The following B4GALT5 variants were observed in gnomAD, a reference collection of about 807,000 sequenced individuals.
B4GALT5 encodes beta-1,4-galactosyltransferase 5.
In B4GALT5, 11 loss-of-function variants were observed where a neutral mutation model predicts 45.0. That is an observed-to-expected ratio of 0.24 (90% CI 0.15 to 0.40). The LOEUF is 0.40. B4GALT5 is among the 10% of genes least tolerant of loss of function. B4GALT5 has a pLI of 1.00. For missense variants in B4GALT5, 337 were observed against 500.2 expected (o/e 0.67, Z 3.11); for synonymous variants, 185 against 182.9 (o/e 1.01, Z -0.09).
intron 1 of B4GALT5, among the ~76,000 whole-genome samples, chr20:49,660,017 G>T (rs530479793): frequency 6.6e-6 from 1 of 152,058 alleles, no homozygotes; most frequent in South Asian, 2.1e-4. Flanking sequence ...TTGCCCACTG[G>T]TTCTCTCTCA....
chr20:49,692,525 C>T (rs962063324), intron 1 of B4GALT5, among the ~76,000 whole-genome samples: 5 of 152,138 alleles, frequency 3.3e-5, no homozygotes, highest in Admixed American at 2.6e-4. Flanking sequence ...TATCATCATC[C>T]AATGCCAACT....
intron 1 of B4GALT5, among the ~76,000 whole-genome samples, chr20:49,713,261 T>C (rs541969046): frequency 5.4e-4 from 77 of 143,866 alleles, no homozygotes; most frequent in Non-Finnish European, 9.8e-4. Context: ...AAGTGGGAGT[T>C]CCAGCGAGGC....
chr20:49,693,825 A>T (rs1168433323), intron 1 of B4GALT5, among the ~76,000 whole-genome samples: 1 of 152,224 alleles, frequency 6.6e-6, no homozygotes, highest in Non-Finnish European at 1.5e-5. Flanking sequence ...GCAGCTTTGC[A>T]TAAAGAACAA....
chr20:49,701,680 A>T (rs1568735043), intron 1 of B4GALT5, among the ~76,000 whole-genome samples: 1 of 152,204 alleles, frequency 6.6e-6, no homozygotes, highest in Non-Finnish European at 1.5e-5. Context: ...AACACCCACA[A>T]TACCAAACTG....
intron 1 of B4GALT5, among the ~76,000 whole-genome samples, chr20:49,659,166 C>T (rs1161712787): frequency 6.6e-6 from 1 of 152,218 alleles, no homozygotes; most frequent in African/African-American, 2.4e-5. Flanking sequence ...AAGGAGATAG[C>T]TCTCACATCT....
Position 49,636,236 on chromosome 20 carries a change from T to G in B4GALT5, c.*76A>C. 1 of 1,541,424 alleles carries G rather than the reference T, an allele frequency of 6.5e-7. No homozygotes were observed. Among genetic ancestry groups the G allele is most frequent in the Non-Finnish European group, 8.9e-7 (1 of 1,127,816 alleles). On this transcript the variant is annotated 3_prime_UTR_variant, in exon 9 of 9. Transcript: ENST00000371711. ...TTCTGTTCTCTTGCTGTGTAGACCC[T>G]CCCCCCTCCAAAAAAAAATCTCATC...
intron 1 of B4GALT5, among the ~76,000 whole-genome samples, chr20:49,700,084 C>A (rs1239612461): frequency 1.3e-5 from 2 of 152,150 alleles, no homozygotes; most frequent in East Asian, 1.9e-4. Context: ...ATCTACCACG[C>A]CTTCCTAAAA....
chr20:49,705,036 C>G (rs2085878527), intron 1 of B4GALT5, among the ~76,000 whole-genome samples: 1 of 152,052 alleles, frequency 6.6e-6, no homozygotes. Context: ...GGGCAGCACT[C>G]TAAATTATTT....
In B4GALT5 at chr20:49,685,581, T is replaced by C. The variant is rs371863778; in HGVS notation, c.115+27995A>G. On this transcript the variant is annotated intron_variant, in intron 1 of 8. Coordinates refer to ENST00000371711, the MANE Select transcript of B4GALT5 (RefSeq NM_004776.4). ...GATCCCAGTGCTCACCGGACAATCA[T>C]TTGTCCCATTTCCTCAATTATCTGT... Among the ~76,000 whole-genome samples, 4 of 152,178 alleles carry C rather than the reference T, an allele frequency of 2.6e-5. No homozygotes were observed. In the East Asian group the frequency reaches 7.7e-4, roughly 29 times the overall value.
intron 1 of B4GALT5, among the ~76,000 whole-genome samples, chr20:49,671,893 G>A (rs1054571679): frequency 3.3e-5 from 5 of 151,990 alleles, no homozygotes; most frequent in African/African-American, 4.8e-5. Context: ...GTATGGGGTC[G>A]GGGGAAGCAC....
At chr20:49,669,206 C>T (rs571347434) in intron 1 of B4GALT5, among the ~76,000 whole-genome samples, 2 of 152,132 alleles carry the variant, frequency 1.3e-5, no homozygotes, top group South Asian at 2.1e-4. Context: ...CTGGTATCAT[C>T]CCACCCCCAA....
In B4GALT5 at chr20:49,686,346, C is replaced by A. The variant is rs898899490; in HGVS notation, c.115+27230G>T. ...GTCAGTTTTAAAGAACTGCTGTACA[C>A]GCATTAGATCCAATGAAGACAGACT... On this transcript the variant is annotated intron_variant, in intron 1 of 8. Transcript: ENST00000371711. Among the ~76,000 whole-genome samples, 6 of 152,222 alleles carry A rather than the reference C, an allele frequency of 3.9e-5. No individual in the cohort carries two copies. In the East Asian group the frequency reaches 1.2e-3, roughly 29 times the overall value.
intron 1 of B4GALT5, among the ~76,000 whole-genome samples, chr20:49,664,001 C>T (rs922883819): frequency 9.2e-5 from 14 of 152,082 alleles, no homozygotes; most frequent in Admixed American, 2.0e-4. Context: ...AACACATATT[C>T]AATGCACCAC....
At chr20:49,690,287 T>C (rs980735936) in intron 1 of B4GALT5, among the ~76,000 whole-genome samples, 2 of 152,208 alleles carry the variant, frequency 1.3e-5, no homozygotes, top group East Asian at 1.9e-4. Context: ...ATTACAGGCA[T>C]GAGCCATCAT....
chr20:49,673,051 G>A (rs2085722506), intron 1 of B4GALT5, among the ~76,000 whole-genome samples: 1 of 151,996 alleles, frequency 6.6e-6, no homozygotes, highest in Non-Finnish European at 1.5e-5. Context: ...AATTTAAATC[G>A]AATCAAGCTC....
At chr20:49,643,955 G>A (rs2085588252) in intron 3 of B4GALT5, among the ~76,000 whole-genome samples, 2 of 107,922 alleles carry the variant, frequency 1.9e-5, no homozygotes, top group Admixed American at 2.8e-4. Flanking sequence ...TTTTGAGACA[G>A]TCTCGCTCTG....
chr20:49,660,402 G>GA (rs1375560992), intron 1 of B4GALT5, among the ~76,000 whole-genome samples: 3 of 152,170 alleles, frequency 2.0e-5, no homozygotes, highest in Admixed American at 2.0e-4. Context: ...TCCCAAACCA[G>GA]AACATCAAGT....
intron 1 of B4GALT5, among the ~76,000 whole-genome samples, chr20:49,711,806 T>C (rs369820648): frequency 3.7e-4 from 56 of 152,244 alleles, no homozygotes; most frequent in African/African-American, 1.3e-3. Flanking sequence ...GTTCAAAACA[T>C]CAACATTAAC....
intron 8 of B4GALT5, 57 bp downstream of exon 8, chr20:49,637,284 A>C: frequency 9.7e-6 from 14 of 1,445,168 alleles, no homozygotes; most frequent in African/African-American, 1.4e-5. Flanking sequence ...GCTCTAAGAT[A>C]TCCGGACATG....
Sources: allele counts gnomAD v4.1 joint callset (sites outside exome capture counted in the v4.1 genomes callset), GRCh38; gene constraint gnomAD v4.1.1; transcripts MANE v1.5; gene names NCBI Gene and HGNC (gene_info 2026-07-23, HGNC 2026-07-21).